The following TRPM3 variants were observed in gnomAD, a reference collection of about 807,000 sequenced individuals.
TRPM3 encodes the protein transient receptor potential cation channel subfamily M member 3.
Under a neutral mutation model 181.2 loss-of-function variants are expected in TRPM3, and 77 were observed. That is an observed-to-expected ratio of 0.42 (90% CI 0.35 to 0.51). TRPM3 has a LOEUF of 0.51. Among genes scored for constraint, TRPM3 ranks in the 20% least tolerant of loss-of-function variants. The pLI, the probability that TRPM3 is intolerant of heterozygous loss-of-function variation, is 0.01. For synonymous variants in TRPM3, 745 were observed against 796.4 expected (o/e 0.94, Z 1.09); for missense variants, 1,759 against 2,196.7 (o/e 0.80, Z 3.98).
intron 1 of TRPM3, among the ~76,000 whole-genome samples, chr9:71,237,380 T>G (rs1476317939): frequency 6.6e-6 from 1 of 152,166 alleles, no homozygotes; most frequent in East Asian, 1.9e-4. Flanking sequence ...TATTCCCTTC[T>G]TGGGATTTTA....
intron 3 of TRPM3, among the ~76,000 whole-genome samples, chr9:70,855,168 A>G (rs1564599453): frequency 6.6e-6 from 1 of 152,210 alleles, no homozygotes; most frequent in Admixed American, 6.5e-5. Flanking sequence ...ACTCAACTTT[A>G]TCATGGCTTC....
chr9:71,251,632 A>G (rs2082347736), intron 1 of TRPM3, among the ~76,000 whole-genome samples: 1 of 152,174 alleles, frequency 6.6e-6, no homozygotes, highest in African/African-American at 2.4e-5. Flanking sequence ...ATATTTTGAT[A>G]CAGGCATGCA....
intron 1 of TRPM3, among the ~76,000 whole-genome samples, chr9:71,355,975 A>G (rs938282763): frequency 2.0e-5 from 3 of 152,208 alleles, no homozygotes; most frequent in Non-Finnish European, 2.9e-5. Context: ...GAAAAAGCAC[A>G]CTTCAGGAAA....
chr9:71,275,763 G>A (rs1384916351), intron 1 of TRPM3, among the ~76,000 whole-genome samples: 2 of 152,052 alleles, frequency 1.3e-5, no homozygotes, highest in Non-Finnish European at 2.9e-5. Context: ...GAACAAAATA[G>A]AGAGCCCCAA....
intron 1 of TRPM3, among the ~76,000 whole-genome samples, chr9:71,203,824 C>T (rs955636469): frequency 1.3e-5 from 2 of 152,214 alleles, no homozygotes; most frequent in South Asian, 2.1e-4. Context: ...TTCTTTTCTG[C>T]TTCTCCTCCT....
chr9:71,024,722 A>G, intron 1 of TRPM3, among the ~76,000 whole-genome samples: 1 of 152,234 alleles, frequency 6.6e-6, no homozygotes, highest in Admixed American at 6.5e-5. Context: ...AGTTCTTGGC[A>G]TTCAGTCAGT....
chr9:71,031,171 TGA>T (rs1565018331), intron 1 of TRPM3, among the ~76,000 whole-genome samples: 1 of 152,202 alleles, frequency 6.6e-6, no homozygotes, highest in African/African-American at 2.4e-5. Context: ...AGATACTTAA[TGA>T]GAGTTTAGGA....
At chr9:71,136,258 CAAG>C (rs956736190) in intron 1 of TRPM3, among the ~76,000 whole-genome samples, 17 of 152,258 alleles carry the variant, frequency 1.1e-4, no homozygotes, top group African/African-American at 3.6e-4. Flanking sequence ...GCTAGTGGCT[CAAG>C]AAGGTTTAAT....
intron 6 of TRPM3, among the ~76,000 whole-genome samples, chr9:70,798,028 T>A (rs1308650065): frequency 6.6e-6 from 1 of 152,210 alleles, no homozygotes; most frequent in Non-Finnish European, 1.5e-5. Context: ...TGGTCAGAAC[T>A]TGGATGCAGA....
At chr9:70,543,403 C>A (rs1048290240) in intron 25 of TRPM3, among the ~76,000 whole-genome samples, 2 of 152,178 alleles carry the variant, frequency 1.3e-5, no homozygotes, top group African/African-American at 4.8e-5. Context: ...TGACTATAGT[C>A]ACCCTATTGT....
At chr9:71,420,831 A>AAGAGAGAGAAAGAAAG (rs1374378542) in intron 1 of TRPM3, among the ~76,000 whole-genome samples, 1 of 12,450 alleles carries the variant, frequency 8.0e-5, no homozygotes, top group Non-Finnish European at 1.6e-4. Context: ...AAGAGAGGGA[A>AAGAGAGAGAAAGAAAG]AGAAAGAGAG....
At chr9:70,759,326 G>A (rs1267338665) in intron 8 of TRPM3, among the ~76,000 whole-genome samples, 1 of 152,166 alleles carries the variant, frequency 6.6e-6, no homozygotes, top group African/African-American at 2.4e-5. Context: ...TAAAAAGTCA[G>A]GAAACAACAG....
intron 1 of TRPM3, among the ~76,000 whole-genome samples, chr9:70,893,107 G>T (rs976319287): frequency 1.3e-5 from 2 of 152,194 alleles, no homozygotes; most frequent in Non-Finnish European, 2.9e-5. Flanking sequence ...TCCTGTGCTG[G>T]ACTGCTATTA....
At chr9:70,794,050 C>G (rs1420741417) in intron 6 of TRPM3, among the ~76,000 whole-genome samples, 1 of 152,064 alleles carries the variant, frequency 6.6e-6, no homozygotes, top group African/African-American at 2.4e-5. Context: ...AGCGTCTGTA[C>G]TTGGACTTGA....
In TRPM3 at chr9:70,681,523, A is replaced by G; in HGVS notation, c.1328T>C (p.Leu443Pro). Residue 443 changes from leucine (L) to proline (P), a missense_variant, in exon 9 of 26, where the codon CTG becomes CCG. This residue lies in a region of TRPM3 where 737 missense variants were observed against 957.4 expected (regional missense o/e 0.77). Transcript: ENST00000677713. ...EGHQDIDLAILTALLKGANAS... is the reference protein window; with the variant it reads ...EGHQDIDLAIPTALLKGANAS... ...TCTTTTACCTTTGAGTAAAGCTGTC[A>G]GGATAGCCAAATCAATGTCCTGGTG... The G allele has an allele frequency of 6.2e-7, 1 of 1,613,848 alleles. No individual in the cohort carries two copies. The highest frequency in any genetic ancestry group is 8.5e-7 in the Non-Finnish European group (1 of 1,179,756).
At chr9:71,112,065 C>T (rs1565221211) in intron 1 of TRPM3, among the ~76,000 whole-genome samples, 1 of 152,046 alleles carries the variant, frequency 6.6e-6, no homozygotes, top group Non-Finnish European at 1.5e-5. Flanking sequence ...AACGGAAACA[C>T]CAAAATATTT....
rs1458722933 is a variant in TRPM3 at position 70,898,284 on chromosome 9, G to A, written c.178-33773C>T. On this transcript the variant is annotated intron_variant, in intron 1 of 25. Transcript: ENST00000677713. ...ACTACAGGCGCCCGCCACTACGCCCGGCTAATTTTTTGTATTTTTAGTAGA... is the reference window on the plus strand; with the variant it reads ...ACTACAGGCGCCCGCCACTACGCCCAGCTAATTTTTTGTATTTTTAGTAGA... Among the ~76,000 whole-genome samples, 8 of 151,046 alleles carry A rather than the reference G, an allele frequency of 5.3e-5. No homozygotes were observed. In the East Asian group the frequency reaches 1.0e-3, roughly 19 times the overall value.
intron 8 of TRPM3, among the ~76,000 whole-genome samples, chr9:70,739,067 G>A (rs1287945061): frequency 1.3e-5 from 2 of 152,086 alleles, no homozygotes; most frequent in African/African-American, 4.8e-5. Flanking sequence ...AGAAGAATGG[G>A]TACCAATCCT....
intron 1 of TRPM3, among the ~76,000 whole-genome samples, chr9:70,885,620 T>C (rs1300840766): frequency 6.6e-6 from 1 of 152,202 alleles, no homozygotes; most frequent in Admixed American, 6.5e-5. Context: ...TTGCTTCTGC[T>C]TTTTCTCAGG....
Sources: allele counts gnomAD v4.1 joint callset (sites outside exome capture counted in the v4.1 genomes callset), GRCh38; gene constraint gnomAD v4.1.1; regional missense constraint gnomAD v4.1.1; transcripts MANE v1.5; gene names NCBI Gene and HGNC (gene_info 2026-07-23, HGNC 2026-07-21).